The following HDAC9 variants were observed in gnomAD, a reference collection of about 807,000 sequenced individuals.
HDAC9 encodes MEF-2 interacting transcription repressor (MITR) protein.
Under a neutral mutation model 139.4 loss-of-function variants are expected in HDAC9, and 41 were observed. The ratio of observed to expected loss-of-function variants is 0.29; its 90% CI spans 0.23 to 0.38. The LOEUF is 0.38. HDAC9 is among the 10% of genes least tolerant of loss of function. The pLI is 1.00. For synonymous variants in HDAC9, 517 were observed against 476.2 expected (o/e 1.09, Z -1.12); for missense variants, 1,147 against 1,297.0 (o/e 0.88, Z 1.78).
At chr7:18,396,650 A>G (rs1787091293) in intron 1 of HDAC9, among the ~76,000 whole-genome samples, 3 of 152,158 alleles carry the variant, frequency 2.0e-5, no homozygotes, top group African/African-American at 7.2e-5. Context: ...TTAAGAGACA[A>G]TGCCCCTAAG....
chr7:18,970,309 A>C (rs563491720), intron 24 of HDAC9, among the ~76,000 whole-genome samples: 5 of 152,020 alleles, frequency 3.3e-5, no homozygotes, highest in Non-Finnish European at 7.3e-5. Flanking sequence ...GGTTCAGATA[A>C]TCAATATAAA....
At chr7:18,328,260 G>A (rs574667628) in intron 1 of HDAC9, among the ~76,000 whole-genome samples, 22 of 151,974 alleles carry the variant, frequency 1.4e-4, no homozygotes, top group South Asian at 6.2e-4. Context: ...GCCTTTACTC[G>A]TTTATTGAAG....
rs757689693 is a variant in HDAC9, at chr7:18,719,331, C to CTTTTTTTTTTTTTTTTTT, written c.1732-8240_1732-8223dup. On this transcript the variant is annotated intron_variant, in intron 12 of 25. Coordinates refer to ENST00000686413, the MANE Select transcript of HDAC9 (RefSeq NM_178425.4). ...CTAATTAACCTATTTTTTTCTCTTCCTTTTTTTTTTTTTTTTTTTTTTTTT... is the reference window on the plus strand; with the variant it reads ...CTAATTAACCTATTTTTTTCTCTTCCTTTTTTTTTTTTTTTTTTTTTTTTTTTTTTTTTTTTTTTTTTT... Among the ~76,000 whole-genome samples the CTTTTTTTTTTTTTTTTTT allele has an allele frequency of 6.0e-4, 44 of 73,908 alleles. 5 individuals carry two copies. The highest frequency in any genetic ancestry group is 1.8e-3 in the African/African-American group (27 of 15,200). 48.5% of individuals were successfully genotyped at this position (73,908 alleles called of 152,430 possible).
chr7:18,515,890 T>C (rs1033726401), intron 2 of HDAC9, among the ~76,000 whole-genome samples: 4 of 152,174 alleles, frequency 2.6e-5, no homozygotes, highest in African/African-American at 9.7e-5. Context: ...GTTCTAGGCT[T>C]TTTATCCTGG....
chr7:18,236,005 C>T (rs1379731738), intron 2 of HDAC9, among the ~76,000 whole-genome samples: 1 of 152,170 alleles, frequency 6.6e-6, no homozygotes, highest in Non-Finnish European at 1.5e-5. Context: ...CTGTATGAAT[C>T]ATCGTCAAGT....
At chr7:18,564,515 A>C (rs909219778) in intron 2 of HDAC9, among the ~76,000 whole-genome samples, 3 of 152,338 alleles carry the variant, frequency 2.0e-5, no homozygotes, top group Middle Eastern at 3.4e-3. Context: ...GGTATATAGC[A>C]GTCTAAGCTA....
intron 1 of HDAC9, among the ~76,000 whole-genome samples, chr7:18,432,097 A>T (rs1334436332): frequency 2.0e-5 from 3 of 152,210 alleles, no homozygotes; most frequent in Non-Finnish European, 1.5e-5. Flanking sequence ...AAATTCAATC[A>T]TGGCTTTCAA....
intron 13 of HDAC9, among the ~76,000 whole-genome samples, chr7:18,733,011 GTA>G (rs1489269393): frequency 2.8e-5 from 4 of 142,798 alleles, no homozygotes; most frequent in South Asian, 4.3e-4. Context: ...ATACACATGT[GTA>G]TGTGTGTATA....
At chr7:18,392,315 T>TCTCTCTCTCTCTCTCTCTCTCA (rs1554402177) in intron 1 of HDAC9, among the ~76,000 whole-genome samples, 1 of 119,298 alleles carries the variant, frequency 8.4e-6, no homozygotes, top group Non-Finnish European at 1.8e-5. Flanking sequence ...TCTCTCTCTC[T>TCTCTCTCTCTCTCTCTCTCTCA]CACACACACA....
chr7:18,781,640 C>T (rs990501552), intron 16 of HDAC9, among the ~76,000 whole-genome samples: 2 of 151,996 alleles, frequency 1.3e-5, no homozygotes, highest in Admixed American at 6.6e-5. Flanking sequence ...CTTGGAACCT[C>T]GCAACTCACA....
At chr7:18,367,297 G>T (rs1251292352) in intron 1 of HDAC9, among the ~76,000 whole-genome samples, 2 of 152,054 alleles carry the variant, frequency 1.3e-5, no homozygotes. Context: ...GGAGCCATGG[G>T]ACTAGTCCTT....
chr7:18,601,703 C>G (rs1224461992), intron 6 of HDAC9, among the ~76,000 whole-genome samples: 6 of 152,132 alleles, frequency 3.9e-5, no homozygotes, highest in Non-Finnish European at 7.4e-5. Flanking sequence ...TTTGTCAAGT[C>G]TCTTTTCTGT....
intron 21 of HDAC9, among the ~76,000 whole-genome samples, chr7:18,836,810 G>A (rs536963862): frequency 6.6e-6 from 1 of 152,072 alleles, no homozygotes; most frequent in South Asian, 2.1e-4. Context: ...CAAGATTTTT[G>A]GAAGAGGTTT....
chr7:18,088,278 A>G (rs925632607), intron 1 of HDAC9, among the ~76,000 whole-genome samples: 3 of 152,218 alleles, frequency 2.0e-5, no homozygotes, highest in African/African-American at 7.2e-5. Flanking sequence ...CAGAAAAGAA[A>G]GCGAAGAGTT....
chr7:18,483,146 G>A (rs1334598087), intron 1 of HDAC9, among the ~76,000 whole-genome samples: 3 of 152,108 alleles, frequency 2.0e-5, no homozygotes, highest in African/African-American at 7.2e-5. Context: ...GGAAGCTAAT[G>A]GATAAGAAAT....
chr7:18,378,874 G>A (rs1443451040), intron 1 of HDAC9, among the ~76,000 whole-genome samples: 1 of 152,048 alleles, frequency 6.6e-6, no homozygotes, highest in Non-Finnish European at 1.5e-5. Context: ...GTTTTTAGTA[G>A]AACTAAATAT....
intron 13 of HDAC9, among the ~76,000 whole-genome samples, chr7:18,745,789 A>G (rs557106553): frequency 1.3e-4 from 19 of 150,940 alleles, no homozygotes; most frequent in Non-Finnish European, 2.5e-4. Context: ...CTCATGATCC[A>G]TCCGCCTCGG....
intron 15 of HDAC9, among the ~76,000 whole-genome samples, chr7:18,762,695 A>G (rs1789497886): frequency 6.6e-6 from 1 of 152,212 alleles, no homozygotes; most frequent in Admixed American, 6.5e-5. Context: ...AGGAAATAGT[A>G]CAACTTGTAT....
intron 1 of HDAC9, among the ~76,000 whole-genome samples, chr7:18,435,441 T>C (rs1268852578): frequency 6.6e-6 from 1 of 152,136 alleles, no homozygotes; most frequent in East Asian, 1.9e-4. Context: ...CTATATAGAC[T>C]ATGGTAACTA....
Sources: allele counts gnomAD v4.1 joint callset (sites outside exome capture counted in the v4.1 genomes callset), GRCh38; gene constraint gnomAD v4.1.1; transcripts MANE v1.5; gene names NCBI Gene and HGNC (gene_info 2026-07-23, HGNC 2026-07-21).